OARD1: variants seen among roughly 807,000 people sequenced by gnomAD.
OARD1 encodes O-acyl-ADP-ribose deacylase 1, also known as ADP-ribose glycohydrolase OARD1.
A neutral mutation model predicts 19.7 loss-of-function variants in OARD1; 19 were observed. That is an observed-to-expected ratio of 0.96 (90% CI 0.67 to 1.41). OARD1 has a LOEUF of 1.41. OARD1 is among the 40% of genes most tolerant of loss of function. The pLI is 0.00. For missense variants in OARD1, 190 were observed against 183.8 expected (o/e 1.03, Z -0.20); for synonymous variants, 70 against 61.8 (o/e 1.13, Z -0.62).
intron 1 of OARD1, chr6:41,080,787 A>G (rs770292388): frequency 1.3e-6 from 2 of 1,597,084 alleles, no homozygotes; most frequent in Non-Finnish European, 8.6e-7. Context: ...ACATATTTCA[A>G]GCTCTTCCTG....
At chr6:41,074,858 G>A (rs1763690813), upstream of OARD1, among the ~76,000 whole-genome samples, 1 of 152,174 alleles carries the variant, frequency 6.6e-6, no homozygotes, top group South Asian at 2.1e-4. Flanking sequence ...GGATGAAGAG[G>A]AGACTTGTCC....
chr6:41,080,774 C>T (rs776719481), intron 1 of OARD1: 1 of 1,554,178 alleles, frequency 6.4e-7, no homozygotes, highest in South Asian at 1.1e-5. Flanking sequence ...CATTTCCTTC[C>T]TGACATATTT....
rs893223367 is a variant in OARD1, at chr6:41,066,129, ATTT to A, written c.*1203_*1205del. 1 of 148,908 alleles carries A rather than the reference ATTT, an allele frequency of 6.7e-6. No individual in the cohort carries two copies. Among genetic ancestry groups the A allele is most frequent in the East Asian group, 1.9e-4 (1 of 5,132 alleles). 9.2% of individuals were successfully genotyped at this position (148,908 alleles called of 1,614,324 possible). A position where few individuals can be genotyped will look rare whatever the true frequency, so the allele number is the denominator to read the frequency against. ...AGTGGCCATCCCACTCCACCACCAA[ATTT>A]TTTTTTTTAATTGAGATAGGGTCTT... On this transcript the variant is annotated 3_prime_UTR_variant, in exon 6 of 6. Coordinates refer to ENST00000424266, the MANE Select transcript of OARD1 (RefSeq NM_001329686.2).
chr6:41,074,823 C>T (rs1763689531), upstream of OARD1, among the ~76,000 whole-genome samples: 1 of 152,062 alleles, frequency 6.6e-6, no homozygotes, highest in Non-Finnish European at 1.5e-5. Context: ...GGGTTCTGCC[C>T]CGTGATAGTG....
At position 41,071,179 on chromosome 6, in the gene OARD1, A is replaced by T. The variant is rs1428956580; in HGVS notation, c.137T>A (p.Val46Asp). The T allele has an allele frequency of 6.2e-7, 1 of 1,614,230 alleles. No homozygotes were observed. The highest frequency in any genetic ancestry group is 2.2e-5 in the East Asian group (1 of 44,888). The change falls in exon 3 of 6, where the codon GTC (valine) becomes GAC (aspartate). Residue 46 changes from valine (V) to aspartate (D), a missense_variant. Physicochemically the swap from Val to Asp is radical, Grantham distance 152. Coordinates refer to ENST00000424266, the MANE Select transcript of OARD1 (RefSeq NM_001329686.2). ...EDCRMGAGIA[V>D]LFKKKFGGVQ... is the part of the protein sequence containing the mutation. ...CCCTCCAAATTTCTTCTTAAAGAGG[A>T]CAGCTATCCCAGCGCCCATGCGACA...
chr6:41,070,252 G>A (rs564001102), intron 3 of OARD1, 118 bp from the exon 4 acceptor site: 1 of 668,094 alleles, frequency 1.5e-6, no homozygotes, highest in African/African-American at 1.8e-5. Flanking sequence ...CAACACTGAA[G>A]AAGGGAATAG....
At chr6:41,080,791 C>G (rs1404283449) in intron 1 of OARD1, 1 of 1,605,250 alleles carries the variant, frequency 6.2e-7, no homozygotes, top group Non-Finnish European at 8.5e-7. Context: ...ATTTCAAGCT[C>G]TTCCTGTTCC....
rs1763348827 is a variant in OARD1 at position 41,071,161 on chromosome 6, A to G, written c.155T>C (p.Phe52Ser). The change falls in exon 3 of 6, where the codon TTT (phenylalanine) becomes TCT (serine). Residue 52 changes from phenylalanine to serine, a missense_variant. Physicochemically the swap from Phe to Ser is radical, Grantham distance 155. Coordinates refer to ENST00000424266, the MANE Select transcript of OARD1 (RefSeq NM_001329686.2). ...ATTTAAAAGTTCTTGCACCCCTCCA[A>G]ATTTCTTCTTAAAGAGGACAGCTAT... Reference protein sequence around the residue: ...AGIAVLFKKKFGGVQELLNQQ... With the variant: ...AGIAVLFKKKSGGVQELLNQQ... 2 of 1,614,210 alleles carry G rather than the reference A, an allele frequency of 1.2e-6. No homozygotes were observed. Among genetic ancestry groups the G allele is most frequent in the Non-Finnish European group, 1.7e-6 (2 of 1,180,044 alleles).
chr6:41,088,615 G>A (rs566577952), intron 1 of OARD1, among the ~76,000 whole-genome samples: 1 of 151,740 alleles, frequency 6.6e-6, no homozygotes, highest in African/African-American at 2.4e-5. Context: ...ACAGTTACTC[G>A]CTCTGTTGCC....
intron 1 of OARD1, among the ~76,000 whole-genome samples, chr6:41,081,308 T>G (rs1345142668): frequency 2.0e-5 from 3 of 152,012 alleles, no homozygotes. Flanking sequence ...GCAAACATGG[T>G]GAAACCCTGT....
Position 41,079,731 on chromosome 6 carries a change from G to A in OARD1, c.-41-8056C>T, listed in dbSNP as rs529093808. Among the ~76,000 whole-genome samples, 3 of 152,234 alleles carry A rather than the reference G, an allele frequency of 2.0e-5. No homozygotes were observed. The South Asian group carries it at 6.2e-4, about 32-fold the overall frequency. On this transcript the variant is annotated intron_variant, in intron 1 of 4. Coordinates refer to the OARD1 transcript ENST00000480585. ...CAGGTTACATTTTCTGATGCTTTAT[G>A]CTTGGGTTTATTATAGTAAAATTTC...
intron 1 of OARD1, among the ~76,000 whole-genome samples, chr6:41,078,736 A>G (rs954588494): frequency 6.6e-6 from 1 of 152,230 alleles, no homozygotes; most frequent in East Asian, 1.9e-4. Flanking sequence ...TATGCCTTGT[A>G]TCAAAGTGAT....
upstream of OARD1, chr6:41,073,223 C>G (rs569253733): frequency 4.1e-3 from 626 of 151,588 alleles, 4 homozygotes; most frequent in African/African-American, 0.013. Flanking sequence ...AGCCGGGCGG[C>G]CAGCGGCCCC....
upstream of OARD1, among the ~76,000 whole-genome samples, chr6:41,076,554 G>A (rs1172410766): frequency 3.3e-5 from 5 of 152,160 alleles, no homozygotes; most frequent in African/African-American, 1.2e-4. Context: ...CCTAGTAAGT[G>A]GTTGGCTAAG....
chr6:41,084,257 C>A (rs2113801019), intron 1 of OARD1: 1 of 1,545,218 alleles, frequency 6.5e-7, no homozygotes, highest in East Asian at 2.3e-5. Context: ...TAGATTATTA[C>A]AACCTATTTG....
chr6:41,076,211 C>G (rs1331837718), upstream of OARD1, among the ~76,000 whole-genome samples: 1 of 152,030 alleles, frequency 6.6e-6, no homozygotes, highest in East Asian at 1.9e-4. Context: ...AGTTTGAGAC[C>G]AGCCTGGGTA....
intron 1 of OARD1, among the ~76,000 whole-genome samples, chr6:41,080,512 G>A (rs978639728): frequency 6.6e-6 from 1 of 152,156 alleles, no homozygotes; most frequent in Non-Finnish European, 1.5e-5. Context: ...AAACAATTGT[G>A]TAAGTAGAAG....
upstream of OARD1, among the ~76,000 whole-genome samples, chr6:41,073,587 G>A (rs1370506080): frequency 4.6e-5 from 7 of 152,046 alleles, no homozygotes; most frequent in Non-Finnish European, 2.9e-5. Context: ...CTCCCAGCGA[G>A]CCGGGTCTGT....
Position 41,097,377 on chromosome 6 carries a change from A to G in OARD1, c.-42+336T>C, listed in dbSNP as rs144326438. On this transcript the variant is annotated intron_variant, in intron 1 of 4. Coordinates refer to the OARD1 transcript ENST00000480585. ...TCTAGGATCCAAACCAAGCCGATGA[A>G]GAAGCAATGACACAGATCATCCGAG... is the stretch of plus-strand genomic sequence containing the variant. 35 of 1,614,064 alleles carry G rather than the reference A, an allele frequency of 2.2e-5. No homozygotes were observed. In the East Asian group the frequency reaches 7.6e-4, roughly 35 times the overall value.
Sources: gnomAD v4.1 joint callset for allele counts (sites outside exome capture counted in the v4.1 genomes callset) on GRCh38, gnomAD v4.1.1 for gene constraint, MANE v1.5 for transcripts, NCBI Gene and HGNC (gene_info 2026-07-23, HGNC 2026-07-21) for gene names.